Variants in POLA1 observed in about 807,000 individuals in gnomAD.
POLA1 encodes the protein DNA polymerase alpha catalytic subunit.
POLA1 carries 15 observed loss-of-function variants against 124.0 expected under a neutral mutation model. The observed-to-expected ratio is 0.12, with a 90% CI of 0.08 to 0.19. The LOEUF (loss-of-function observed/expected upper bound fraction) is 0.19. POLA1 is among the 10% of genes least tolerant of loss of function. The pLI is 1.00. For synonymous variants in POLA1, 408 were observed against 389.4 expected, an observed-to-expected ratio of 1.05 and a Z score of -0.56; for missense variants, 886 against 1,103.4, an observed-to-expected ratio of 0.80 and a Z score of 2.79.
At chrX:24,954,283 G>A (rs1036419954) in intron 36 of POLA1, among the ~76,000 whole-genome samples, 1 of 112,215 alleles carries the variant, frequency 8.9e-6, no homozygotes, top group Non-Finnish European at 1.9e-5. Context: ...TTTTTAATTA[G>A]TATTTTTTAA....
chrX:24,737,507 T>A, intron 18 of POLA1, 118 bp from the exon 19 acceptor site: 1 of 477,753 alleles, frequency 2.1e-6, no homozygotes, highest in Non-Finnish European at 3.7e-6. Flanking sequence ...GGTAAGTGCA[T>A]GATGTCTTCA....
intron 26 of POLA1, among the ~76,000 whole-genome samples, chrX:24,791,191 G>T: frequency 9.1e-6 from 1 of 110,406 alleles, no homozygotes. Context: ...ATCATAAGTA[G>T]CAGTCAACTA....
intron 32 of POLA1, among the ~76,000 whole-genome samples, chrX:24,831,912 T>C (rs2046268914): frequency 8.9e-6 from 1 of 111,834 alleles, no homozygotes. Flanking sequence ...TCAATATTAA[T>C]TGAAGACCTG....
chrX:24,830,115 A>G (rs188029258), intron 32 of POLA1, among the ~76,000 whole-genome samples: 270 of 112,529 alleles, frequency 2.4e-3, no homozygotes, highest in South Asian at 0.018. Context: ...AATTTCATTT[A>G]GGAAAATTAT....
At chrX:24,761,770 T>C (rs1248131910) in intron 26 of POLA1, among the ~76,000 whole-genome samples, 3 of 112,227 alleles carry the variant, frequency 2.7e-5, no homozygotes, top group Non-Finnish European at 5.6e-5. Flanking sequence ...TCTTGCCTCA[T>C]AGCCAGGAAT....
chrX:24,821,308 C>T, intron 30 of POLA1, 144 bp from the exon 31 acceptor site: 1 of 401,184 alleles, frequency 2.5e-6, no homozygotes, highest in Non-Finnish European at 4.1e-6. Flanking sequence ...TTTAAAGATT[C>T]TGTAGCAATA....
chrX:24,884,956 T>C (rs753031038), intron 34 of POLA1, among the ~76,000 whole-genome samples: 2 of 112,114 alleles, frequency 1.8e-5, no homozygotes. Flanking sequence ...TCTGTCAGAG[T>C]TAGGTGCTTG....
intron 33 of POLA1, among the ~76,000 whole-genome samples, chrX:24,842,303 G>A (rs1401727656): frequency 9.0e-6 from 1 of 111,498 alleles, no homozygotes; most frequent in African/African-American, 3.3e-5. Flanking sequence ...CTTTTCTGCT[G>A]TCTTTGCATA....
intron 36 of POLA1, among the ~76,000 whole-genome samples, chrX:24,977,890 G>A (rs1281291420): frequency 9.0e-6 from 1 of 111,310 alleles, no homozygotes; most frequent in Non-Finnish European, 1.9e-5. Context: ...CCTTCTGCCA[G>A]AGTGGAGGTG....
chrX:24,884,581 A>G (rs2047042076), intron 34 of POLA1, among the ~76,000 whole-genome samples: 1 of 112,582 alleles, frequency 8.9e-6, no homozygotes, highest in Non-Finnish European at 1.9e-5. Flanking sequence ...CATATATTTA[A>G]TATGATTAGG....
At chrX:24,715,401 A>G (rs1318954341) in intron 6 of POLA1, among the ~76,000 whole-genome samples, 198 bp downstream of exon 6, 1 of 110,596 alleles carries the variant, frequency 9.0e-6, no homozygotes, top group Non-Finnish European at 1.9e-5. Flanking sequence ...CTCTTCCCTG[A>G]TTCCTGCCTC....
intron 34 of POLA1, among the ~76,000 whole-genome samples, chrX:24,877,490 A>G (rs756090723): frequency 8.9e-6 from 1 of 111,809 alleles, no homozygotes; most frequent in Non-Finnish European, 1.9e-5. Flanking sequence ...TCAGCTACTT[A>G]AAAAGGAGGC....
chrX:24,992,055 G>A (rs1302946802), intron 36 of POLA1, among the ~76,000 whole-genome samples: 3 of 111,438 alleles, frequency 2.7e-5, no homozygotes, highest in African/African-American at 6.5e-5. Context: ...TTGATTTGGG[G>A]CCCTAAATGT....
At chrX:24,788,958 A>G in intron 26 of POLA1, 1 of 1,208,845 alleles carries the variant, frequency 8.3e-7, no homozygotes. Context: ...ACGGCTTCAA[A>G]TACTGCCACA....
intron 20 of POLA1, 77 bp downstream of exon 20, chrX:24,739,627 C>A: frequency 1.6e-6 from 1 of 618,611 alleles, no homozygotes; most frequent in Non-Finnish European, 2.5e-6. Context: ...TATCCTTAGT[C>A]TGGAGGGACA....
chrX:24,891,903 T>A (rs2147145405), intron 35 of POLA1, among the ~76,000 whole-genome samples: 1 of 111,629 alleles, frequency 9.0e-6, no homozygotes, highest in Admixed American at 9.5e-5. Flanking sequence ...GCTTTAAATA[T>A]GTTGTTCAAG....
chrX:24,747,933 A>G (rs1413070097), intron 24 of POLA1, among the ~76,000 whole-genome samples: 1 of 111,054 alleles, frequency 9.0e-6, no homozygotes, highest in African/African-American at 3.3e-5. Flanking sequence ...ACGGGGTTTC[A>G]CCATGTTAGC....
intron 4 of POLA1, among the ~76,000 whole-genome samples, chrX:24,713,269 A>C (rs1929593281): frequency 9.0e-6 from 1 of 110,535 alleles, no homozygotes; most frequent in Non-Finnish European, 1.9e-5. Context: ...GGCCTACCAC[A>C]TTCTTTCAAT....
At chrX:24,759,411 C>G (rs1177515204) in intron 26 of POLA1, among the ~76,000 whole-genome samples, 1 of 111,854 alleles carries the variant, frequency 8.9e-6, no homozygotes, top group Non-Finnish European at 1.9e-5. Context: ...CTACCTAGCC[C>G]CTAAGCCCTG....
Sources: gnomAD v4.1 joint callset for allele counts (sites outside exome capture counted in the v4.1 genomes callset) on GRCh38, gnomAD v4.1.1 for gene constraint, MANE v1.5 for transcripts, NCBI Gene and HGNC (gene_info 2026-07-23, HGNC 2026-07-21) for gene names.